SPIRE1: variants seen among roughly 807,000 people sequenced by gnomAD.
SPIRE1 encodes the protein spire type actin nucleation factor 1.
In SPIRE1, 40 loss-of-function variants were observed where a neutral mutation model predicts 94.1. The ratio of observed to expected loss-of-function variants is 0.43; its 90% CI spans 0.33 to 0.55. The LOEUF (loss-of-function observed/expected upper bound fraction) is 0.55. Ranked by LOEUF, SPIRE1 falls within the 20% of genes least tolerant of loss-of-function variation. The pLI, the probability that SPIRE1 is intolerant of heterozygous loss-of-function variation, is 0.06. For synonymous variants in SPIRE1, 376 were observed against 371.7 expected (o/e 1.01, Z -0.13); for missense variants, 838 against 975.2 (o/e 0.86, Z 1.87).
intron 4 of SPIRE1, among the ~76,000 whole-genome samples, chr18:12,533,754 C>A (rs2034757325): frequency 6.6e-6 from 1 of 152,110 alleles, no homozygotes; most frequent in Non-Finnish European, 1.5e-5. Flanking sequence ...AAAAATAATG[C>A]TCTGGGGAAG....
intron 2 of SPIRE1, among the ~76,000 whole-genome samples, chr18:12,594,802 C>T (rs1227306942): frequency 3.3e-5 from 5 of 152,198 alleles, no homozygotes; most frequent in African/African-American, 1.2e-4. Context: ...CTTGCCTCCT[C>T]TTCCACCTCC....
chr18:12,521,320 T>C (rs1326711818), intron 4 of SPIRE1, among the ~76,000 whole-genome samples: 2 of 151,870 alleles, frequency 1.3e-5, no homozygotes, highest in Admixed American at 6.6e-5. Context: ...TTTCGCTTTG[T>C]TGTACATAGC....
intron 2 of SPIRE1, among the ~76,000 whole-genome samples, chr18:12,595,095 G>A (rs2036634266): frequency 2.0e-5 from 3 of 152,114 alleles, no homozygotes; most frequent in African/African-American, 7.2e-5. Flanking sequence ...GTGGGCAAAA[G>A]AGTGAGACCC....
In SPIRE1 at chr18:12,634,258, T is replaced by A. The variant is rs200173930; in HGVS notation, c.372+804A>T. 1.2e-3 allele frequency among the ~76,000 whole-genome samples: 167 copies of A among 140,996 alleles called. 5 individuals carry two copies. In the South Asian group the frequency reaches 0.031, roughly 26 times the overall value. The allele number at this position is 140,996 out of a possible 152,430, so 92.5% of individuals were successfully genotyped here. On this transcript the variant is annotated intron_variant, in intron 2 of 16. Coordinates refer to ENST00000409402, the MANE Select transcript of SPIRE1 (RefSeq NM_001128626.2). ...GCGAGACTCCGTCTAAAAATAAAAA[T>A]AAAAAAAAAAAAAAATAATAATAAT...
At chr18:12,465,063 A>T (rs903752771) in intron 10 of SPIRE1, 105 bp from the exon 11 acceptor site, 3 of 943,564 alleles carry the variant, frequency 3.2e-6, no homozygotes, top group Admixed American at 4.5e-5. Flanking sequence ...GAGGCACCAA[A>T]GTATGTCAAA....
intron 11 of SPIRE1, among the ~76,000 whole-genome samples, chr18:12,463,748 T>C (rs2031973916): frequency 6.6e-6 from 1 of 152,196 alleles, no homozygotes; most frequent in African/African-American, 2.4e-5. Flanking sequence ...TCCCAAATCA[T>C]ACCAAAATTC....
At chr18:12,558,894 T>C (rs932844675) in intron 2 of SPIRE1, among the ~76,000 whole-genome samples, 1 of 151,966 alleles carries the variant, frequency 6.6e-6, no homozygotes, top group African/African-American at 2.4e-5. Flanking sequence ...AGACACAGAG[T>C]GCTGATTGGT....
At position 12,578,506 on chromosome 18, in the gene SPIRE1, G is replaced by A. The variant is rs186418854; in HGVS notation, c.373-31602C>T. On this transcript the variant is annotated intron_variant, in intron 2 of 16. Transcript: ENST00000409402. ...TTGGAGCTGGGGGACTGACTGCACC[G>A]GAAACTTTCTGTGGTGATGAAATGA... is the stretch of plus-strand genomic sequence containing the variant. 6.2e-4 allele frequency among the ~76,000 whole-genome samples: 95 copies of A among 152,256 alleles called. 1 individual carries two copies. Among genetic ancestry groups the A allele is most frequent in the African/African-American group, 2.0e-3 (85 of 41,550 alleles).
intron 2 of SPIRE1, among the ~76,000 whole-genome samples, chr18:12,587,748 G>T (rs1297723046): frequency 6.6e-6 from 1 of 152,118 alleles, no homozygotes; most frequent in Non-Finnish European, 1.5e-5. Context: ...AGAGCTCAAT[G>T]TAAAGGATAT....
upstream of SPIRE1, among the ~76,000 whole-genome samples, chr18:12,659,858 G>A (rs930387023): frequency 1.1e-4 from 17 of 152,074 alleles, no homozygotes; most frequent in African/African-American, 4.1e-4. Flanking sequence ...AATTCCTTAT[G>A]TGTGACACTA....
At chr18:12,531,310 C>T (rs2034675730) in intron 4 of SPIRE1, among the ~76,000 whole-genome samples, 2 of 152,184 alleles carry the variant, frequency 1.3e-5, no homozygotes, top group Admixed American at 1.3e-4. Flanking sequence ...CACATTCTCT[C>T]ATAAACTCTC....
intron 2 of SPIRE1, among the ~76,000 whole-genome samples, chr18:12,623,988 G>A (rs2037549588): frequency 1.4e-5 from 2 of 147,930 alleles, no homozygotes; most frequent in African/African-American, 2.5e-5. Flanking sequence ...CCCTGGAGTG[G>A]TCTCGGCTCA....
rs140567200 is a variant in SPIRE1 at position 12,533,260 on chromosome 18, G to A, written c.729+2216C>T. 1.5e-3 allele frequency among the ~76,000 whole-genome samples: 234 copies of A among 152,316 alleles called. 1 individual carries two copies. The highest frequency in any genetic ancestry group is 5.4e-3 in the African/African-American group (226 of 41,572). On this transcript the variant is annotated intron_variant, in intron 4 of 16. Transcript: ENST00000409402. ...CAACCAGTTGTGAGGGCCCAACCTC[G>A]GTCAGCCTGGCCAGTTTCTGCAGGC...
At chr18:12,614,125 T>C (rs148888496) in intron 2 of SPIRE1, among the ~76,000 whole-genome samples, 3,085 of 152,228 alleles carry the variant, frequency 0.02, 118 homozygotes, top group African/African-American at 0.07. Flanking sequence ...CTGGATGTGG[T>C]AGCACACACC....
chr18:12,624,968 T>C (rs1309735838), intron 2 of SPIRE1, among the ~76,000 whole-genome samples: 4 of 151,964 alleles, frequency 2.6e-5, no homozygotes, highest in Non-Finnish European at 5.9e-5. Context: ...CTTGTATAAA[T>C]TATGTATCCT....
rs533796633 is a variant in SPIRE1, at chr18:12,468,621, C to A, written c.1405-3663G>T. On this transcript the variant is annotated intron_variant, in intron 10 of 16. Transcript: ENST00000409402. ...ACTTAATCGAGAGGCTTCACTATGC[C>A]CAAATGAGCCAGTTCCACTCTAATC... Among the ~76,000 whole-genome samples the A allele has an allele frequency of 2.6e-5, 4 of 152,262 alleles. No individual in the cohort carries two copies. The South Asian group carries it at 8.3e-4, about 32-fold the overall frequency.
At chr18:12,552,356 G>A (rs1886375853) in intron 2 of SPIRE1, among the ~76,000 whole-genome samples, 1 of 152,130 alleles carries the variant, frequency 6.6e-6, no homozygotes, top group South Asian at 2.1e-4. Flanking sequence ...ACGCCAGGCA[G>A]CACAGTCTGC....
chr18:12,562,974 T>C (rs1241993569), intron 2 of SPIRE1, among the ~76,000 whole-genome samples: 2 of 152,196 alleles, frequency 1.3e-5, no homozygotes, highest in African/African-American at 4.8e-5. Flanking sequence ...TTTAGAGTGG[T>C]GATGAGTATA....
intron 2 of SPIRE1, among the ~76,000 whole-genome samples, chr18:12,599,557 T>A (rs554514653): frequency 5.9e-5 from 9 of 152,300 alleles, no homozygotes; most frequent in Middle Eastern, 3.4e-3. Flanking sequence ...AGCCACCACA[T>A]CCCTCTTTAG....
Sources: gnomAD v4.1 joint callset for allele counts (sites outside exome capture counted in the v4.1 genomes callset) on GRCh38, gnomAD v4.1.1 for gene constraint, MANE v1.5 for transcripts, NCBI Gene and HGNC (gene_info 2026-07-23, HGNC 2026-07-21) for gene names.